ZNF600: variants seen among roughly 807,000 people sequenced by gnomAD.
ZNF600 encodes the protein zinc finger protein KR-ZNF1.
In ZNF600, 4 loss-of-function variants were observed where a neutral mutation model predicts 7.3. The ratio of observed to expected loss-of-function variants is 0.55; its 90% CI spans 0.27 to 1.25. The LOEUF is 1.25. Among genes scored for constraint, ZNF600 ranks in the 50% most tolerant of loss-of-function variants. ZNF600 has a pLI of 0.12. For synonymous variants in ZNF600, 290 were observed against 308.9 expected, an observed-to-expected ratio of 0.94 and a Z score of 0.64; for missense variants, 911 against 922.1, an observed-to-expected ratio of 0.99 and a Z score of 0.16.
the ZNF600 span, among the ~76,000 whole-genome samples, chr19:52,806,982 G>C: frequency 6.6e-6 from 1 of 152,186 alleles, no homozygotes; most frequent in African/African-American, 2.4e-5. Flanking sequence ...TCAGAGATGT[G>C]AGGATTTAAA....
chr19:52,809,603 C>G, the ZNF600 span, among the ~76,000 whole-genome samples: 4 of 152,096 alleles, frequency 2.6e-5, no homozygotes, highest in Admixed American at 2.6e-4. Context: ...GTCAAGAGTT[C>G]AAGACCAGCA....
the ZNF600 span, chr19:52,810,253 G>A: frequency 7.7e-7 from 1 of 1,298,884 alleles, no homozygotes; most frequent in Non-Finnish European, 1.1e-6. Context: ...CTACCTCCAG[G>A]CAATGCTGGC....
At chr19:52,833,590 C>T in the ZNF600 span, among the ~76,000 whole-genome samples, 1 of 152,162 alleles carries the variant, frequency 6.6e-6, no homozygotes, top group Non-Finnish European at 1.5e-5. Flanking sequence ...CTCTTCTGAG[C>T]TGCTTCCTCA....
At chr19:52,798,275 C>T in the ZNF600 span, 1 of 191,030 alleles carries the variant, frequency 5.2e-6, no homozygotes. Flanking sequence ...GCTGGCATTG[C>T]AGGCGTGAGC....
At chr19:52,777,205 C>G (rs895275098) in intron 2 of ZNF600, among the ~76,000 whole-genome samples, 5 of 151,442 alleles carry the variant, frequency 3.3e-5, no homozygotes, top group Admixed American at 3.3e-4. Flanking sequence ...GGTGAAACCC[C>G]ATCTCTACTA....
At chr19:52,807,895 T>C in the ZNF600 span, 1 of 1,530,992 alleles carries the variant, frequency 6.5e-7, no homozygotes, top group Non-Finnish European at 8.9e-7. Context: ...AAGCTTTTCA[T>C]TTCAAAATCA....
chr19:52,807,921 T>G, the ZNF600 span: 1 of 1,585,648 alleles, frequency 6.3e-7, no homozygotes, highest in East Asian at 2.2e-5. Context: ...GCTTCCATTT[T>G]AGTCAAGTAA....
the ZNF600 span, among the ~76,000 whole-genome samples, chr19:52,825,433 G>A: frequency 1.3e-5 from 2 of 152,138 alleles, no homozygotes; most frequent in Non-Finnish European, 2.9e-5. Context: ...CCAGTACTTG[G>A]GAGGCCGAGG....
At chr19:52,823,422 G>T in the ZNF600 span, among the ~76,000 whole-genome samples, 1 of 152,018 alleles carries the variant, frequency 6.6e-6, no homozygotes, top group African/African-American at 2.4e-5. Context: ...CACCATGTTG[G>T]CCAGGCTGGT....
At chr19:52,800,589 G>T in the ZNF600 span, 1 of 1,613,416 alleles carries the variant, frequency 6.2e-7, no homozygotes, top group Non-Finnish European at 8.5e-7. Flanking sequence ...ATATGCAAAA[G>T]CCTTGTCACA....
chr19:52,768,254 A>G (rs1035154265), intron 3 of ZNF600, among the ~76,000 whole-genome samples: 10 of 151,976 alleles, frequency 6.6e-5, no homozygotes, highest in African/African-American at 2.4e-4. Flanking sequence ...TGTATTTTCA[A>G]ACAATTATAG....
the ZNF600 span, chr19:52,797,731 C>T: frequency 0.88 from 134,521 of 152,638 alleles, 59,504 homozygotes; most frequent in Middle Eastern, 0.9. Flanking sequence ...ACAATCCATA[C>T]TGATTGGAAA....
At chr19:52,810,073 C>G in the ZNF600 span, 2 of 754,248 alleles carry the variant, frequency 2.7e-6, no homozygotes, top group Non-Finnish European at 4.8e-6. Context: ...GCTCCAGGAC[C>G]TGGGCCTCGT....
At chr19:52,803,224 A>G in the ZNF600 span, among the ~76,000 whole-genome samples, 1 of 152,088 alleles carries the variant, frequency 6.6e-6, no homozygotes, top group Non-Finnish European at 1.5e-5. Context: ...ATGCAGGCAC[A>G]TGCCACTGTG....
At chr19:52,766,410 T>C (rs2062577982) in exon 4 of ZNF600, 2 of 1,614,144 alleles carry the variant, frequency 1.2e-6, no homozygotes, top group African/African-American at 2.7e-5. Context: ...ACTGAAAACC[T>C]TTTCACATTC....
intron 3 of ZNF600, 127 bp downstream of exon 5, chr19:52,774,441 CAAAACAA>C: frequency 1.1e-6 from 1 of 881,958 alleles, no homozygotes; most frequent in Non-Finnish European, 1.3e-6. Context: ...AACAAAAAAA[CAAAACAA>C]AAAAACAACC....
the ZNF600 span, among the ~76,000 whole-genome samples, chr19:52,813,535 C>G: frequency 1.4e-5 from 2 of 141,110 alleles, no homozygotes; most frequent in African/African-American, 5.7e-5. Flanking sequence ...CCAGACTGTT[C>G]GGCTTGTCAC....
At chr19:52,786,886 GC>G (rs1227745472), upstream of ZNF600, 4 of 190,412 alleles carry the variant, frequency 2.1e-5, no homozygotes, top group South Asian at 6.7e-5. Flanking sequence ...CAGAGGGAGG[GC>G]CCGGGGCGGG....
the ZNF600 span, among the ~76,000 whole-genome samples, chr19:52,816,080 G>T: frequency 6.8e-5 from 10 of 147,580 alleles, no homozygotes; most frequent in Admixed American, 1.4e-4. Flanking sequence ...ATAGTGGCTC[G>T]CCAGTGAGGC....
Sources: allele counts gnomAD v4.1 joint callset (sites outside exome capture counted in the v4.1 genomes callset), GRCh38; gene constraint gnomAD v4.1.1; transcripts MANE v1.5; gene names NCBI Gene and HGNC (gene_info 2026-07-23, HGNC 2026-07-21).